The following SKIC2 variants were observed in gnomAD, a reference collection of about 807,000 sequenced individuals.
SKIC2 encodes the protein SKI2 subunit of superkiller complex.
chr6:31,961,052 A>G, the SKIC2 span: 5 of 1,611,900 alleles, frequency 3.1e-6, no homozygotes, highest in Admixed American at 3.3e-5. Flanking sequence ...TCTTCTTACT[A>G]TTCCACCTGG....
the SKIC2 span, chr6:31,960,139 T>C: frequency 6.2e-7 from 1 of 1,607,560 alleles, no homozygotes; most frequent in Non-Finnish European, 8.5e-7. Flanking sequence ...CTGGAGGGGC[T>C]TAGACTAGGG....
chr6:31,968,773 C>T, the SKIC2 span: 1 of 1,612,810 alleles, frequency 6.2e-7, no homozygotes, highest in Non-Finnish European at 8.5e-7. The surrounding 1 kb of genome is among the most constrained non-coding windows in gnomAD (Gnocchi z 6.1). Context: ...GCTGCTGCTT[C>T]CTGAGTACCA....
chr6:31,962,376 G>T, the SKIC2 span: 4 of 1,572,434 alleles, frequency 2.5e-6, no homozygotes, highest in Admixed American at 5.0e-5. This position sits in a 1 kb window ranked among gnomAD's most constrained non-coding sequence, Gnocchi z 5.0. Flanking sequence ...GGCTCCATGT[G>T]GGAGAGGAAG....
chr6:31,960,848 T>A, the SKIC2 span: 1 of 967,528 alleles, frequency 1.0e-6, no homozygotes, highest in Non-Finnish European at 1.6e-6. Context: ...AGATATTCTG[T>A]CCATAACAAC....
the SKIC2 span, chr6:31,961,956 G>C: frequency 6.2e-7 from 1 of 1,613,028 alleles, no homozygotes; most frequent in South Asian, 1.1e-5. Flanking sequence ...TCCTGCACTT[G>C]GAACGGCATG....
the SKIC2 span, chr6:31,960,675 A>G: frequency 6.3e-7 from 1 of 1,588,936 alleles, no homozygotes; most frequent in African/African-American, 1.4e-5. Context: ...GGGGGGATGG[A>G]TGAACCCACC....
the SKIC2 span, chr6:31,964,338 T>C: frequency 6.2e-7 from 1 of 1,611,730 alleles, no homozygotes; most frequent in Non-Finnish European, 8.5e-7. The surrounding 1 kb of genome is among the most constrained non-coding windows in gnomAD (Gnocchi z 5.0). Context: ...CGTGGCCTGG[T>C]CAAGGTGCAT....
At chr6:31,968,124 G>A in the SKIC2 span, 16 of 1,610,396 alleles carry the variant, frequency 9.9e-6, no homozygotes, top group South Asian at 1.1e-4. This position sits in a 1 kb window ranked among gnomAD's most constrained non-coding sequence, Gnocchi z 6.1. Flanking sequence ...AGAGGGGCAC[G>A]TAGAGGCAGG....
At chr6:31,966,810 G>A in the SKIC2 span, 7 of 1,614,082 alleles carry the variant, frequency 4.3e-6, no homozygotes, top group African/African-American at 8.0e-5. This position sits in a 1 kb window ranked among gnomAD's most constrained non-coding sequence, Gnocchi z 5.9. Flanking sequence ...TGATGAAGAG[G>A]AGCTTCTCTG....
chr6:31,967,755 T>A, the SKIC2 span: 2 of 1,612,970 alleles, frequency 1.2e-6, no homozygotes, highest in Non-Finnish European at 1.7e-6. The surrounding 1 kb of genome is among the most constrained non-coding windows in gnomAD (Gnocchi z 4.9). Flanking sequence ...ACAACCCTGG[T>A]CTTGTGTGAT....
At chr6:31,965,132 CAAAG>C in the SKIC2 span, among the ~76,000 whole-genome samples, 2 of 152,072 alleles carry the variant, frequency 1.3e-5, no homozygotes, top group African/African-American at 2.4e-5. This position sits in a 1 kb window ranked among gnomAD's most constrained non-coding sequence, Gnocchi z 5.6. Flanking sequence ...CAAAAACAAA[CAAAG>C]AAACAAACAA....
the SKIC2 span, chr6:31,960,619 G>GT: frequency 6.3e-7 from 1 of 1,581,896 alleles, no homozygotes; most frequent in African/African-American, 1.4e-5. Context: ...CACCTATCTC[G>GT]TATTACCCTC....
the SKIC2 span, chr6:31,962,660 G>C: frequency 2.4e-5 from 39 of 1,605,952 alleles, no homozygotes; most frequent in East Asian, 8.0e-4. The surrounding 1 kb of genome is among the most constrained non-coding windows in gnomAD (Gnocchi z 5.0). Flanking sequence ...TGCTGTCTGA[G>C]GAGGGGGTGG....
At chr6:31,962,790 G>A in the SKIC2 span, 8 of 1,610,462 alleles carry the variant, frequency 5.0e-6, no homozygotes, top group South Asian at 1.1e-5. The surrounding 1 kb of genome is among the most constrained non-coding windows in gnomAD (Gnocchi z 5.0). Context: ...CTATATCAAC[G>A]ATGTCGAGGT....
At chr6:31,962,781 T>C in the SKIC2 span, 6 of 1,611,304 alleles carry the variant, frequency 3.7e-6, no homozygotes, top group African/African-American at 8.0e-5. This position sits in a 1 kb window ranked among gnomAD's most constrained non-coding sequence, Gnocchi z 5.0. Flanking sequence ...TGAGGTTCAC[T>C]ATATCAACGA....
At chr6:31,967,323 G>C in the SKIC2 span, 6 of 1,613,064 alleles carry the variant, frequency 3.7e-6, no homozygotes, top group South Asian at 2.2e-5. This position sits in a 1 kb window ranked among gnomAD's most constrained non-coding sequence, Gnocchi z 4.9. Context: ...CAGCAGGAAG[G>C]GTGGTGGTTG....
At chr6:31,967,726 C>T in the SKIC2 span, 1 of 1,612,990 alleles carries the variant, frequency 6.2e-7, no homozygotes, top group Non-Finnish European at 8.5e-7. The surrounding 1 kb of genome is among the most constrained non-coding windows in gnomAD (Gnocchi z 4.9). Flanking sequence ...TCTCCTCGAA[C>T]TCCACCAGCA....
At chr6:31,962,300 G>C in the SKIC2 span, 1 of 1,036,108 alleles carries the variant, frequency 9.7e-7, no homozygotes, top group Non-Finnish European at 1.5e-6. The surrounding 1 kb of genome is among the most constrained non-coding windows in gnomAD (Gnocchi z 5.0). Context: ...TATCATGCAG[G>C]AGAATGTAAG....
chr6:31,965,854 G>A, the SKIC2 span: 10 of 1,612,804 alleles, frequency 6.2e-6, no homozygotes, highest in East Asian at 2.2e-4. The surrounding 1 kb of genome is among the most constrained non-coding windows in gnomAD (Gnocchi z 5.6). Flanking sequence ...TTGACTCCAT[G>A]CGCAAACACG....
Sources: gnomAD v4.1 joint callset for allele counts (sites outside exome capture counted in the v4.1 genomes callset) on GRCh38, gnomAD v4.1.1 for gene constraint, Gnocchi (gnomAD v3.1) non-coding constraint, MANE v1.5 for transcripts, NCBI Gene and HGNC (gene_info 2026-07-23, HGNC 2026-07-21) for gene names.